Variants in ADGRB3 observed in about 807,000 individuals in gnomAD.
The protein encoded by ADGRB3 is brain-specific angiogenesis inhibitor 3.
ADGRB3 carries 37 observed loss-of-function variants against 193.4 expected under a neutral mutation model. The ratio of observed to expected loss-of-function variants is 0.19; its 90% CI spans 0.15 to 0.25. The LOEUF (loss-of-function observed/expected upper bound fraction) is 0.25. Ranked by LOEUF, ADGRB3 falls within the 10% of genes least tolerant of loss-of-function variation. The pLI is 1.00. For missense variants in ADGRB3, 1,637 were observed against 1,852.9 expected (o/e 0.88, Z 2.14); for synonymous variants, 690 against 644.2 (o/e 1.07, Z -1.08).
At chr6:68,871,583 C>A (rs911610267) in intron 3 of ADGRB3, among the ~76,000 whole-genome samples, 1 of 151,944 alleles carries the variant, frequency 6.6e-6, no homozygotes, top group Non-Finnish European at 1.5e-5. Context: ...TGTGTGTTCC[C>A]AAATGTCCTT....
chr6:68,710,179 T>C (rs1765386163), intron 3 of ADGRB3, among the ~76,000 whole-genome samples: 2 of 152,156 alleles, frequency 1.3e-5, no homozygotes, highest in South Asian at 4.1e-4. Context: ...ATAATGCTTT[T>C]GTAGAAAAGT....
intron 20 of ADGRB3, among the ~76,000 whole-genome samples, chr6:69,315,491 C>T (rs937555223): frequency 6.6e-6 from 1 of 151,470 alleles, no homozygotes; most frequent in African/African-American, 2.4e-5. Context: ...TTGTGCAAAT[C>T]CCTGTTTTAG....
intron 20 of ADGRB3, among the ~76,000 whole-genome samples, chr6:69,275,809 A>ATGAT (rs1767291667): frequency 6.6e-6 from 1 of 152,152 alleles, no homozygotes; most frequent in Admixed American, 6.5e-5. Context: ...ATACTTACTT[A>ATGAT]TGATAGCCTC....
chr6:69,334,336 A>G (rs890653662), intron 24 of ADGRB3, among the ~76,000 whole-genome samples: 3 of 152,218 alleles, frequency 2.0e-5, no homozygotes, highest in Non-Finnish European at 4.4e-5. Context: ...TTTATACAAT[A>G]AGATAATCTG....
chr6:69,208,216 G>C (rs1554170002), intron 17 of ADGRB3, among the ~76,000 whole-genome samples: 1 of 152,166 alleles, frequency 6.6e-6, no homozygotes, highest in Non-Finnish European at 1.5e-5. Context: ...CCAGAGAACG[G>C]GTCATTTTAT....
At chr6:68,941,302 A>G (rs774415133) in intron 5 of ADGRB3, among the ~76,000 whole-genome samples, 46 of 152,218 alleles carry the variant, frequency 3.0e-4, no homozygotes, top group Non-Finnish European at 4.9e-4. Flanking sequence ...ACTCAATAGT[A>G]TCTAAAATAA....
intron 17 of ADGRB3, chr6:69,232,616 A>C: frequency 6.5e-7 from 1 of 1,535,596 alleles, no homozygotes; most frequent in Admixed American, 2.0e-5. Context: ...TGAAGTGTGG[A>C]GTAGGAAGCT....
intron 6 of ADGRB3, 66 bp from the exon 7 acceptor site, chr6:68,955,958 G>C (rs960529731): frequency 6.5e-7 from 1 of 1,535,804 alleles, no homozygotes; most frequent in African/African-American, 1.4e-5. Context: ...GTTTTACCAG[G>C]TACTTTCTGT....
At chr6:69,007,205 A>G (rs192894697) in intron 11 of ADGRB3, among the ~76,000 whole-genome samples, 1 of 152,270 alleles carries the variant, frequency 6.6e-6, no homozygotes, top group Admixed American at 6.5e-5. Context: ...ATCTGTCGTC[A>G]TGTCATTTCT....
At chr6:69,015,474 C>T (rs1562122593) in intron 12 of ADGRB3, among the ~76,000 whole-genome samples, 1 of 151,890 alleles carries the variant, frequency 6.6e-6, no homozygotes, top group East Asian at 1.9e-4. Flanking sequence ...AAAAACAACC[C>T]TGTTCTGCAG....
chr6:69,066,141 C>A (rs1771897973), intron 16 of ADGRB3, among the ~76,000 whole-genome samples: 1 of 151,348 alleles, frequency 6.6e-6, no homozygotes, highest in African/African-American at 2.4e-5. Flanking sequence ...ACACCCATCC[C>A]CCCACCTCCA....
At chr6:69,033,505 A>T (rs896655496) in intron 13 of ADGRB3, among the ~76,000 whole-genome samples, 3 of 152,214 alleles carry the variant, frequency 2.0e-5, no homozygotes, top group Non-Finnish European at 2.9e-5. Flanking sequence ...TCTTTTGAAT[A>T]GTCAAAAATA....
intron 20 of ADGRB3, among the ~76,000 whole-genome samples, chr6:69,309,514 T>C (rs1768136711): frequency 1.3e-5 from 2 of 151,740 alleles, no homozygotes; most frequent in African/African-American, 4.8e-5. Context: ...CATAATCTGA[T>C]TTCTCTTTGA....
chr6:68,779,413 C>T (rs1766813227), intron 3 of ADGRB3, among the ~76,000 whole-genome samples: 1 of 151,966 alleles, frequency 6.6e-6, no homozygotes. Flanking sequence ...CCATATGATG[C>T]TGCCTGGGCA....
At chr6:69,197,030 C>A (rs1486618176) in intron 17 of ADGRB3, among the ~76,000 whole-genome samples, 1 of 152,074 alleles carries the variant, frequency 6.6e-6, no homozygotes. Context: ...GAAGTAATTG[C>A]ACTTTACCCT....
At chr6:68,768,891 A>G (rs1298409521) in intron 3 of ADGRB3, among the ~76,000 whole-genome samples, 10 of 152,180 alleles carry the variant, frequency 6.6e-5, no homozygotes, top group Non-Finnish European at 1.5e-5. Context: ...ATGAACAGAC[A>G]CTTCTCAAAA....
At chr6:69,279,995 T>C (rs1335896155) in intron 20 of ADGRB3, among the ~76,000 whole-genome samples, 3 of 152,164 alleles carry the variant, frequency 2.0e-5, no homozygotes, top group Non-Finnish European at 4.4e-5. Flanking sequence ...CTCCCACGGT[T>C]GTGAGGCGTC....
At chr6:68,993,347 A>C (rs1335273017) in intron 10 of ADGRB3, among the ~76,000 whole-genome samples, 1 of 152,182 alleles carries the variant, frequency 6.6e-6, no homozygotes, top group Non-Finnish European at 1.5e-5. Context: ...GGCAAAAGTT[A>C]ATAAGCTCAG....
At chr6:69,342,461 A>G (rs1400748791) in intron 26 of ADGRB3, among the ~76,000 whole-genome samples, 2 of 152,154 alleles carry the variant, frequency 1.3e-5, no homozygotes, top group Non-Finnish European at 2.9e-5. Context: ...ATTTCATTTA[A>G]ACACCTTATT....
Sources: allele counts gnomAD v4.1 joint callset (sites outside exome capture counted in the v4.1 genomes callset), GRCh38; gene constraint gnomAD v4.1.1; transcripts MANE v1.5; gene names NCBI Gene and HGNC (gene_info 2026-07-23, HGNC 2026-07-21).